Variants in SLC41A2 observed in about 807,000 individuals in gnomAD.
SLC41A2 encodes the protein solute carrier family 41 member 2.
In SLC41A2, 32 loss-of-function variants were observed where a neutral mutation model predicts 58.3. The ratio of observed to expected loss-of-function variants is 0.55; its 90% CI spans 0.41 to 0.74. SLC41A2 has a LOEUF of 0.74. Among genes scored for constraint, SLC41A2 ranks in the 30% least tolerant of loss-of-function variants. SLC41A2 has a pLI of 0.00. For missense variants in SLC41A2, 514 were observed against 680.6 expected (o/e 0.76, Z 2.72); for synonymous variants, 190 against 235.0 (o/e 0.81, Z 1.75).
intron 6 of SLC41A2, among the ~76,000 whole-genome samples, chr12:104,882,151 T>G (rs2044406874): frequency 6.6e-6 from 1 of 152,168 alleles, no homozygotes; most frequent in South Asian, 2.1e-4. Context: ...TGCTTTTTTT[T>G]TTGTTTTCCA....
intron 3 of SLC41A2, among the ~76,000 whole-genome samples, chr12:104,902,025 A>G (rs2045588261): frequency 6.6e-6 from 1 of 152,218 alleles, no homozygotes; most frequent in African/African-American, 2.4e-5. Context: ...AGATTAAAGT[A>G]ACCATTGATT....
intron 8 of SLC41A2, among the ~76,000 whole-genome samples, chr12:104,850,960 G>A (rs1409153250): frequency 6.6e-6 from 1 of 152,152 alleles, no homozygotes; most frequent in Non-Finnish European, 1.5e-5. Context: ...TTCTGACTGT[G>A]GCTCAAACTA....
intron 10 of SLC41A2, among the ~76,000 whole-genome samples, chr12:104,839,733 G>T (rs1050069717): frequency 1.3e-5 from 2 of 152,226 alleles, no homozygotes; most frequent in Non-Finnish European, 2.9e-5. Flanking sequence ...TCGAACTCCT[G>T]ACCTCGTGAT....
chr12:104,821,101 T>C (rs979684350), intron 10 of SLC41A2, among the ~76,000 whole-genome samples: 5 of 152,264 alleles, frequency 3.3e-5, no homozygotes, highest in African/African-American at 1.2e-4. Context: ...TTTTCCTCTA[T>C]GTTTCTTCTG....
chr12:104,838,633 T>C (rs114198256), intron 10 of SLC41A2, among the ~76,000 whole-genome samples: 2,131 of 152,344 alleles, frequency 0.014, 48 homozygotes, highest in African/African-American at 0.047. Flanking sequence ...TTAAAACTTA[T>C]ATTGTCTGAT....
intron 10 of SLC41A2, among the ~76,000 whole-genome samples, chr12:104,833,477 C>A (rs2042107923): frequency 6.6e-6 from 1 of 152,146 alleles, no homozygotes; most frequent in South Asian, 2.1e-4. Context: ...TGTGCCTGAT[C>A]CCAGTATAAC....
At chr12:104,949,819 G>C (rs149422455) in intron 1 of SLC41A2, among the ~76,000 whole-genome samples, 1 of 152,180 alleles carries the variant, frequency 6.6e-6, no homozygotes, top group South Asian at 2.1e-4. Context: ...CCGACCTCAG[G>C]TGATCCGCCT....
chr12:104,926,767 G>A (rs2046859523), intron 2 of SLC41A2, among the ~76,000 whole-genome samples: 1 of 152,082 alleles, frequency 6.6e-6, no homozygotes, highest in Admixed American at 6.6e-5. Flanking sequence ...CCTGCCATTT[G>A]GCAAATATGA....
intron 2 of SLC41A2, among the ~76,000 whole-genome samples, chr12:104,912,574 T>C (rs997547666): frequency 1.7e-4 from 26 of 152,206 alleles, no homozygotes; most frequent in Non-Finnish European, 7.3e-5. Context: ...TCTGCCCCCA[T>C]ACCTCGCCCT....
At chr12:104,909,571 G>A in intron 3 of SLC41A2, 84 bp downstream of exon 3, 1 of 931,660 alleles carries the variant, frequency 1.1e-6, no homozygotes, top group Non-Finnish European at 1.7e-6. Flanking sequence ...ATCAGAGAAA[G>A]AAATATTTTC....
intron 3 of SLC41A2, among the ~76,000 whole-genome samples, chr12:104,897,473 T>G (rs1164631522): frequency 6.6e-6 from 1 of 152,082 alleles, no homozygotes; most frequent in African/African-American, 2.4e-5. Flanking sequence ...GTTTCTTTTT[T>G]TTTTCATGAT....
At chr12:104,881,136 G>A (rs7316201) in intron 6 of SLC41A2, among the ~76,000 whole-genome samples, 37 of 152,166 alleles carry the variant, frequency 2.4e-4, no homozygotes, top group African/African-American at 8.7e-4. Flanking sequence ...ATGGTAGTTT[G>A]TATTTCTGTG....
At position 104,817,551 on chromosome 12, in the gene SLC41A2, T is replaced by C. The variant is rs761785314; in HGVS notation, c.1537-12214A>G. On this transcript the variant is annotated intron_variant, in intron 10 of 10. Transcript: ENST00000258538. ...AATATTTTCCTTCTTTATATCGTTATCCTATAGGCTTTTTCCTATTTTTAT... is the reference window on the plus strand; with the variant it reads ...AATATTTTCCTTCTTTATATCGTTACCCTATAGGCTTTTTCCTATTTTTAT... 7.4e-4 allele frequency among the ~76,000 whole-genome samples: 113 copies of C among 152,096 alleles called. 1 individual carries two copies. The highest frequency in any genetic ancestry group is 2.1e-4 in the Non-Finnish European group (14 of 68,014).
chr12:104,851,955 T>A (rs2042816422), intron 8 of SLC41A2: 2 of 152,180 alleles, frequency 1.3e-5, no homozygotes, highest in African/African-American at 4.8e-5. Flanking sequence ...GAACATTGAA[T>A]AATTAGCATG....
chr12:104,805,673 C>T (rs2040867970), intron 10 of SLC41A2, among the ~76,000 whole-genome samples: 1 of 151,920 alleles, frequency 6.6e-6, no homozygotes, highest in African/African-American at 2.4e-5. Flanking sequence ...AAAAGGAAGA[C>T]ATTATGAAGA....
intron 2 of SLC41A2, among the ~76,000 whole-genome samples, chr12:104,914,705 A>G (rs1307401977): frequency 2.0e-5 from 3 of 152,232 alleles, no homozygotes; most frequent in African/African-American, 7.2e-5. Flanking sequence ...GAGTCAGATC[A>G]CCTTCACTGA....
At chr12:104,911,498 G>A (rs1034507257) in intron 2 of SLC41A2, among the ~76,000 whole-genome samples, 1 of 152,012 alleles carries the variant, frequency 6.6e-6, no homozygotes, top group Non-Finnish European at 1.5e-5. Context: ...GCTATTAAGA[G>A]GTGATTATCC....
chr12:104,862,204 G>T (rs1309255790), intron 7 of SLC41A2, among the ~76,000 whole-genome samples: 1 of 152,040 alleles, frequency 6.6e-6, no homozygotes, highest in Non-Finnish European at 1.5e-5. Context: ...CAGATCAAAT[G>T]TTCTTACCTG....
At chr12:104,943,096 TA>T (rs1321764508) in intron 1 of SLC41A2, among the ~76,000 whole-genome samples, 1 of 152,048 alleles carries the variant, frequency 6.6e-6, no homozygotes, top group African/African-American at 2.4e-5. Context: ...AACTGAAAGT[TA>T]AAAGCTTCCA....
Sources: gnomAD v4.1 joint callset for allele counts (sites outside exome capture counted in the v4.1 genomes callset) on GRCh38, gnomAD v4.1.1 for gene constraint, MANE v1.5 for transcripts, NCBI Gene and HGNC (gene_info 2026-07-23, HGNC 2026-07-21) for gene names.